Variants in PGM2 observed in about 807,000 individuals in gnomAD.
PGM2 encodes the protein phosphoglucomutase 2, also known as phosphopentomutase.
Under a neutral mutation model 74.6 loss-of-function variants are expected in PGM2, and 57 were observed. The ratio of observed to expected loss-of-function variants is 0.76; its 90% CI spans 0.62 to 0.95. PGM2 has a LOEUF of 0.95. PGM2 is among the 40% of genes least tolerant of loss of function. The pLI is 0.00. For synonymous variants in PGM2, 273 were observed against 260.7 expected, an observed-to-expected ratio of 1.05 and a Z score of -0.46; for missense variants, 706 against 741.9, an observed-to-expected ratio of 0.95 and a Z score of 0.56.
intron 2 of PGM2, among the ~76,000 whole-genome samples, chr4:37,832,173 C>A (rs1725458489): frequency 6.6e-6 from 1 of 152,214 alleles, no homozygotes; most frequent in African/African-American, 2.4e-5. Context: ...CCCCACCACT[C>A]TGAAGTGCTC....
chr4:37,847,605 A>AGG, intron 10 of PGM2: 1 of 343,110 alleles, frequency 2.9e-6, no homozygotes, highest in Non-Finnish European at 5.6e-6. Flanking sequence ...GGTGGTTAAT[A>AGG]TCCAGGCCTA....
At chr4:37,854,356 C>A (rs1443808337) in intron 12 of PGM2, among the ~76,000 whole-genome samples, 1 of 148,886 alleles carries the variant, frequency 6.7e-6, no homozygotes. Flanking sequence ...TTCTCTTTTT[C>A]TTTTCTTTTT....
chr4:37,840,149 G>A lies in PGM2; in HGVS notation c.609G>A (p.Trp203Ter), dbSNP rs2152176656. The A allele has an allele frequency of 6.2e-7, 1 of 1,613,236 alleles. No homozygotes were observed. The highest frequency in any genetic ancestry group is 8.5e-7 in the Non-Finnish European group (1 of 1,179,186). The part of the protein sequence containing the change: ...SQAIEENLEP[W>*]PQAWDDSLID... ...CTATTGAAGAAAATCTAGAACCGTGGCCTCAAGCTTGGGACGATTCTTTAA... is the reference window on the plus strand; with the variant it reads ...CTATTGAAGAAAATCTAGAACCGTGACCTCAAGCTTGGGACGATTCTTTAA... Residue 203 changes from tryptophan to a stop codon, truncating the protein, a stop_gained, in exon 6 of 14, where the codon TGG becomes TGA. Coordinates refer to ENST00000381967, the MANE Select transcript of PGM2 (RefSeq NM_018290.4). LOFTEE classifies it high-confidence loss of function.
rs1480018983 is a variant in PGM2 at position 37,848,054 on chromosome 4, G to T, written c.1283-468G>T. On this transcript the variant is annotated intron_variant, in intron 10 of 13. Coordinates refer to ENST00000381967, the MANE Select transcript of PGM2 (RefSeq NM_018290.4). The stretch of plus-strand genomic sequence containing the variant: ...AGAAAGATTTTCTTTCATTTATCAA[G>T]TATTAATTGCATGTCTATTACTCAG... Among the ~76,000 whole-genome samples, 3 of 152,264 alleles carry T rather than the reference G, an allele frequency of 2.0e-5. No individual in the cohort carries two copies. In the East Asian group the frequency reaches 5.8e-4, roughly 29 times the overall value.
chr4:37,861,380 C>G, intron 13 of PGM2, 130 bp from the exon 14 acceptor site: 1 of 616,768 alleles, frequency 1.6e-6, no homozygotes, highest in Admixed American at 2.4e-5. Context: ...CTCTGGAGTT[C>G]TCTTTTTTTT....
chr4:37,846,456 T>A (rs569113393), intron 8 of PGM2, among the ~76,000 whole-genome samples: 26 of 152,322 alleles, frequency 1.7e-4, no homozygotes, highest in African/African-American at 6.3e-4. Context: ...AAGCAGAAAT[T>A]ACACATCTTT....
At chr4:37,842,260 CTGTT>C (rs1298287141) in intron 6 of PGM2, among the ~76,000 whole-genome samples, 13 of 150,530 alleles carry the variant, frequency 8.6e-5, no homozygotes, top group South Asian at 2.1e-4. Flanking sequence ...TCTATTGAAA[CTGTT>C]TGCTGAACTG....
chr4:37,831,411 G>C (rs535814609), intron 2 of PGM2, among the ~76,000 whole-genome samples: 1 of 152,246 alleles, frequency 6.6e-6, no homozygotes, highest in South Asian at 2.1e-4. Flanking sequence ...AAACATAATG[G>C]TTTAAAACAA....
intron 10 of PGM2, chr4:37,847,510 T>C (rs999535556): frequency 4.2e-5 from 21 of 494,284 alleles, no homozygotes; most frequent in African/African-American, 3.9e-4. Context: ...GTCAGAATCC[T>C]TTGCCTGGAT....
chr4:37,862,392 G>T lies in PGM2; in HGVS notation c.*780G>T, dbSNP rs1304638179. 1 of 151,986 alleles carries T rather than the reference G, an allele frequency of 6.6e-6. No homozygotes were observed. Among genetic ancestry groups the T allele is most frequent in the Non-Finnish European group, 1.5e-5 (1 of 67,974 alleles). 9.4% of individuals were successfully genotyped at this position (151,986 alleles called of 1,614,324 possible). ...TTAGCACAATTTAATGTAATTCCTG[G>T]TTTGGAGGCAGCAAGACCTATGAGC... On this transcript the variant is annotated 3_prime_UTR_variant, in exon 14 of 14. Coordinates refer to ENST00000381967, the MANE Select transcript of PGM2 (RefSeq NM_018290.4).
intron 2 of PGM2, among the ~76,000 whole-genome samples, chr4:37,831,977 C>A (rs1041131961): frequency 2.1e-4 from 32 of 152,118 alleles, no homozygotes; most frequent in Admixed American, 2.0e-3. Flanking sequence ...AGAGCTTTTT[C>A]CCCTGTATTT....
intron 2 of PGM2, 84 bp downstream of exon 2, chr4:37,830,215 T>A: frequency 9.7e-7 from 1 of 1,028,438 alleles, no homozygotes; most frequent in South Asian, 2.1e-5. Context: ...ATTCTAATTA[T>A]AGACATGTCT....
In PGM2 at chr4:37,848,512, G is replaced by A. The variant is rs979866156; in HGVS notation, c.1283-10G>A. 3.1e-6 allele frequency: 5 copies of A among 1,610,874 alleles called. No homozygotes were observed. The highest frequency in any genetic ancestry group is 4.2e-6 in the Non-Finnish European group (5 of 1,178,024). On this transcript the variant is annotated splice_polypyrimidine_tract_variant and intron_variant, in intron 10 of 13. Transcript: ENST00000381967. Reference sequence around the variant, plus strand: ...TTGTATAGATGTATGTATGACGTGTGTTTCTGCAGGATACATGTGCTGCCC... The same window carrying A: ...TTGTATAGATGTATGTATGACGTGTATTTCTGCAGGATACATGTGCTGCCC...
chr4:37,858,347 G>GT (rs891165896), intron 13 of PGM2, among the ~76,000 whole-genome samples: 50 of 102,030 alleles, frequency 4.9e-4, no homozygotes, highest in South Asian at 2.2e-3. Flanking sequence ...TTTGTTTTTT[G>GT]TTTTTTTTTT....
chr4:37,843,983 T>A (rs1725798205), intron 6 of PGM2, among the ~76,000 whole-genome samples: 1 of 152,182 alleles, frequency 6.6e-6, no homozygotes, highest in South Asian at 2.1e-4. Flanking sequence ...TGGGAACCTG[T>A]CGCTTTGGGG....
intron 10 of PGM2, chr4:37,847,551 T>C (rs1725910380): frequency 2.4e-6 from 1 of 415,528 alleles, no homozygotes; most frequent in African/African-American, 2.0e-5. Flanking sequence ...TATGCTTGGC[T>C]GCCGGTACAT....
In PGM2 at chr4:37,837,603, C is replaced by A; in HGVS notation, c.431C>A (p.Thr144Asn). The change falls in exon 4 of 14, where the codon ACC becomes AAC. Residue 144 changes from threonine to asparagine, a missense_variant. Thr to Asn is a moderately conservative substitution (Grantham distance 65). Coordinates refer to ENST00000381967, the MANE Select transcript of PGM2 (RefSeq NM_018290.4). ...TACCTCTTTTCTGATATAACGCCAA[C>A]CCCCTTTGTGGTAAGTAGCCATTTC... The part of the protein sequence containing the change: ...PVYLFSDITP[T>N]PFVPFTVSHL... 6.2e-7 allele frequency: 1 copy of A among 1,604,344 alleles called. No individual in the cohort carries two copies. Among genetic ancestry groups the A allele is most frequent in the Non-Finnish European group, 8.5e-7 (1 of 1,171,064 alleles).
Position 37,839,856 on chromosome 4 carries a change from A to G in PGM2, c.450A>G (p.Thr150=), listed in dbSNP as rs1725659649. 1.3e-6 allele frequency: 2 copies of G among 1,576,458 alleles called. No homozygotes were observed. The highest frequency in any genetic ancestry group is 1.7e-5 in the Admixed American group (1 of 59,876). The change falls in exon 5 of 14, where the codon ACA becomes ACG. Residue 150 remains threonine, a synonymous_variant. Coordinates refer to ENST00000381967, the MANE Select transcript of PGM2 (RefSeq NM_018290.4). ...DITPTPFVPF[T]VSHLKLCAGI... is the part of the protein sequence containing the mutation. ...TTCCTGCTATGTTACAGCCCTTCAC[A>G]GTATCACATTTGAAACTTTGTGCTG...
At chr4:37,860,435 A>G (rs1299712117) in intron 13 of PGM2, among the ~76,000 whole-genome samples, 1 of 152,222 alleles carries the variant, frequency 6.6e-6, no homozygotes, top group African/African-American at 2.4e-5. Flanking sequence ...TTGAGAAGAT[A>G]AAGTCTTTAT....
Sources: gnomAD v4.1 joint callset for allele counts (sites outside exome capture counted in the v4.1 genomes callset) on GRCh38, gnomAD v4.1.1 for gene constraint, MANE v1.5 for transcripts, NCBI Gene and HGNC (gene_info 2026-07-23, HGNC 2026-07-21) for gene names.